RABGAP1L: variants seen among roughly 807,000 people sequenced by gnomAD.
RABGAP1L encodes the protein rab GTPase-activating protein 1-like.
A neutral mutation model predicts 137.7 loss-of-function variants in RABGAP1L; 63 were observed. The observed-to-expected ratio is 0.46, with a 90% CI of 0.37 to 0.56. RABGAP1L has a LOEUF of 0.56. RABGAP1L is among the 20% of genes least tolerant of loss of function. The probability of loss-of-function intolerance (pLI) is 0.00; values close to 1 mark genes in which losing one functional copy is unlikely to be tolerated. For missense variants in RABGAP1L, 1,095 were observed against 1,244.0 expected (o/e 0.88, Z 1.80); for synonymous variants, 431 against 433.7 (o/e 0.99, Z 0.08).
intron 18 of RABGAP1L, among the ~76,000 whole-genome samples, chr1:174,809,612 T>A (rs1014139309): frequency 3.9e-5 from 6 of 152,140 alleles, no homozygotes; most frequent in Non-Finnish European, 8.8e-5. Context: ...TAACTAGAGG[T>A]TAATTGCATT....
At chr1:174,344,669 G>A (rs1312230695) in intron 11 of RABGAP1L, among the ~76,000 whole-genome samples, 1 of 152,182 alleles carries the variant, frequency 6.6e-6, no homozygotes, top group Non-Finnish European at 1.5e-5. Flanking sequence ...ACTGGCCACT[G>A]TGGAAACAGG....
chr1:174,722,462 T>C (rs1681636884), intron 17 of RABGAP1L, among the ~76,000 whole-genome samples: 1 of 152,134 alleles, frequency 6.6e-6, no homozygotes, highest in Non-Finnish European at 1.5e-5. Flanking sequence ...CTTCTTTTTT[T>C]TTTTGAGACG....
chr1:174,541,599 A>G (rs1253493864), intron 13 of RABGAP1L, among the ~76,000 whole-genome samples: 1 of 152,040 alleles, frequency 6.6e-6, no homozygotes, highest in Non-Finnish European at 1.5e-5. Flanking sequence ...ACACAGTGAA[A>G]CTCTGTATCT....
chr1:174,947,097 A>G (rs1667005104), intron 19 of RABGAP1L, among the ~76,000 whole-genome samples: 1 of 150,492 alleles, frequency 6.6e-6, no homozygotes, highest in Non-Finnish European at 1.5e-5. Context: ...TTACCCTATT[A>G]CAAAACATAA....
intron 13 of RABGAP1L, among the ~76,000 whole-genome samples, chr1:174,578,215 C>G (rs939526942): frequency 6.6e-6 from 1 of 152,140 alleles, no homozygotes; most frequent in Non-Finnish European, 1.5e-5. Context: ...GAGACAGTCT[C>G]ACTCTGACAC....
intron 1 of RABGAP1L, among the ~76,000 whole-genome samples, chr1:174,178,112 G>C (rs1666043549): frequency 6.6e-6 from 1 of 152,188 alleles, no homozygotes; most frequent in Non-Finnish European, 1.5e-5. Flanking sequence ...CTATCCGTGA[G>C]TATGGACTGT....
intron 14 of RABGAP1L, among the ~76,000 whole-genome samples, chr1:174,670,040 G>T (rs1333971379): frequency 6.6e-6 from 1 of 151,820 alleles, no homozygotes; most frequent in East Asian, 1.9e-4. Context: ...TTTTTATGGG[G>T]ATTCCATTGA....
chr1:174,969,498 A>G lies in RABGAP1L; in HGVS notation c.2544+111A>G, dbSNP rs927514219. ...TCTTGACTTTGTTCTTGAGGAATGG[A>G]CAAGTGGCAGGGACAGTCTGTTAAT... On this transcript the variant is annotated intron_variant, in intron 21 of 25. Coordinates refer to ENST00000681986, the MANE Select transcript of RABGAP1L (RefSeq NM_001366446.1). 167 of 781,062 alleles carry G rather than the reference A, an allele frequency of 2.1e-4. 1 individual carries two copies. The highest frequency in any genetic ancestry group is 8.8e-5 in the Non-Finnish European group (41 of 467,522). 48.4% of individuals were successfully genotyped at this position (781,062 alleles called of 1,614,324 possible).
intron 13 of RABGAP1L, among the ~76,000 whole-genome samples, chr1:174,601,678 G>T (rs1182274934): frequency 1.3e-5 from 2 of 152,002 alleles, no homozygotes; most frequent in Admixed American, 1.3e-4. Context: ...AGAAAAATGG[G>T]TTTTTCTTTT....
At chr1:174,413,077 C>T (rs1650134230) in intron 13 of RABGAP1L, among the ~76,000 whole-genome samples, 1 of 152,084 alleles carries the variant, frequency 6.6e-6, no homozygotes, top group Non-Finnish European at 1.5e-5. Context: ...TACTTTTTCT[C>T]CTTTCTCAGG....
At chr1:174,984,649 C>T (rs752803275) in intron 24 of RABGAP1L, among the ~76,000 whole-genome samples, 1 of 151,994 alleles carries the variant, frequency 6.6e-6, no homozygotes, top group Non-Finnish European at 1.5e-5. Flanking sequence ...GGCTGAGGCA[C>T]AAGAATCACT....
intron 13 of RABGAP1L, among the ~76,000 whole-genome samples, chr1:174,622,631 A>C (rs1369931450): frequency 1.3e-5 from 2 of 152,088 alleles, no homozygotes; most frequent in Non-Finnish European, 2.9e-5. Flanking sequence ...GCATGTTCTC[A>C]CTCATAGGTG....
intron 19 of RABGAP1L, among the ~76,000 whole-genome samples, chr1:174,890,093 TTC>T (rs1217886046): frequency 1.3e-5 from 2 of 152,242 alleles, no homozygotes; most frequent in Non-Finnish European, 2.9e-5. Flanking sequence ...CAGTGATTAT[TTC>T]TGTTATACTT....
chr1:174,886,385 C>G (rs1480087199), intron 19 of RABGAP1L, among the ~76,000 whole-genome samples: 1 of 152,192 alleles, frequency 6.6e-6, no homozygotes, highest in Non-Finnish European at 1.5e-5. Flanking sequence ...TACTCAAACT[C>G]ATTGCAAGGA....
intron 19 of RABGAP1L, among the ~76,000 whole-genome samples, chr1:174,903,708 TGGGAGGC>T (rs1658521597): frequency 6.6e-6 from 1 of 152,186 alleles, no homozygotes; most frequent in African/African-American, 2.4e-5. Context: ...CCCAGCACTT[TGGGAGGC>T]TGAGGCGGGT....
chr1:174,751,184 A>G (rs1165828028), intron 17 of RABGAP1L, among the ~76,000 whole-genome samples: 1 of 152,188 alleles, frequency 6.6e-6, no homozygotes, highest in African/African-American at 2.4e-5. Flanking sequence ...TATTTTAACC[A>G]ACTGAATATT....
intron 12 of RABGAP1L, among the ~76,000 whole-genome samples, chr1:174,389,646 C>A (rs1687064184): frequency 6.6e-6 from 1 of 151,990 alleles, no homozygotes; most frequent in Non-Finnish European, 1.5e-5. Flanking sequence ...AAAAAGCATT[C>A]TTTTTTGTTT....
chr1:174,574,295 G>A (rs1383647163), intron 13 of RABGAP1L, among the ~76,000 whole-genome samples: 1 of 152,116 alleles, frequency 6.6e-6, no homozygotes, highest in African/African-American at 2.4e-5. Flanking sequence ...GTAAAAGAAA[G>A]ATGGTGACCC....
chr1:174,697,541 A>T (rs891239439), intron 15 of RABGAP1L, among the ~76,000 whole-genome samples: 3 of 151,862 alleles, frequency 2.0e-5, no homozygotes, highest in African/African-American at 4.8e-5. Context: ...CTAGTCTCGA[A>T]CTCCTGACCT....
Sources: gnomAD v4.1 joint callset for allele counts (sites outside exome capture counted in the v4.1 genomes callset) on GRCh38, gnomAD v4.1.1 for gene constraint, MANE v1.5 for transcripts, NCBI Gene and HGNC (gene_info 2026-07-23, HGNC 2026-07-21) for gene names.